The following FAAH2 variants were observed in gnomAD, a reference collection of about 807,000 sequenced individuals.
FAAH2 encodes fatty acid amide hydrolase 2.
In FAAH2, 60 loss-of-function variants were observed where a neutral mutation model predicts 36.9. The observed-to-expected ratio is 1.63, with a 90% CI of 1.32 to 2.02. The LOEUF is 2.02. Ranked by LOEUF, FAAH2 falls within the 30% of genes most tolerant of loss-of-function variation. FAAH2 has a pLI of 0.00. For synonymous variants in FAAH2, 214 were observed against 143.8 expected, an observed-to-expected ratio of 1.49 and a Z score of -3.49; for missense variants, 689 against 397.5, an observed-to-expected ratio of 1.73 and a Z score of -6.23.
At chrX:57,220,273 C>G in the FAAH2 span, among the ~76,000 whole-genome samples, 1 of 109,359 alleles carries the variant, frequency 9.1e-6, no homozygotes, top group African/African-American at 3.4e-5. Context: ...TCAGCTGTAT[C>G]CACTTATTTT....
At chrX:57,188,447 C>G in the FAAH2 span, among the ~76,000 whole-genome samples, 13 of 110,368 alleles carry the variant, frequency 1.2e-4, no homozygotes, top group African/African-American at 4.3e-4. Context: ...TTTGATTCTT[C>G]TCTCTTTTTT....
intron 3 of FAAH2, among the ~76,000 whole-genome samples, chrX:57,325,801 T>C (rs1487113940): frequency 2.3e-5 from 1 of 43,458 alleles, no homozygotes; most frequent in Non-Finnish European, 4.1e-5. Flanking sequence ...CCTGGATTCA[T>C]TGATTTTTTT....
chrX:57,337,446 A>G (rs1481802256), intron 4 of FAAH2, among the ~76,000 whole-genome samples: 1 of 111,578 alleles, frequency 9.0e-6, no homozygotes, highest in Admixed American at 9.5e-5. Context: ...TGGCAGAGAA[A>G]AAATAAAAAT....
At chrX:57,302,468 G>A (rs2052401370) in intron 2 of FAAH2, among the ~76,000 whole-genome samples, 1 of 111,541 alleles carries the variant, frequency 9.0e-6, no homozygotes, top group African/African-American at 3.3e-5. Context: ...TCAGCTCCCA[G>A]TCTGGTGGTT....
intron 10 of FAAH2, among the ~76,000 whole-genome samples, chrX:57,458,835 T>A (rs758484313): frequency 3.6e-5 from 4 of 112,163 alleles, no homozygotes; most frequent in African/African-American, 1.3e-4. Context: ...AACAGGAGAT[T>A]CCCTCTTGTG....
the FAAH2 span, among the ~76,000 whole-genome samples, chrX:57,208,531 G>A: frequency 9.0e-6 from 1 of 111,639 alleles, no homozygotes; most frequent in African/African-American, 3.3e-5. Context: ...GAGCCCCCAC[G>A]TTGGGTGCCA....
intron 5 of FAAH2, among the ~76,000 whole-genome samples, chrX:57,378,306 T>A (rs2054739281): frequency 9.0e-6 from 1 of 111,718 alleles, no homozygotes. Flanking sequence ...GATTTTTAAA[T>A]CTGTATTCTA....
intron 7 of FAAH2, among the ~76,000 whole-genome samples, chrX:57,414,708 T>C (rs911345936): frequency 9.0e-6 from 1 of 111,519 alleles, no homozygotes; most frequent in Non-Finnish European, 1.9e-5. Context: ...CAGGTTTTGG[T>C]ATCAGGATGA....
chrX:57,161,561 G>A, the FAAH2 span, among the ~76,000 whole-genome samples: 2 of 111,728 alleles, frequency 1.8e-5, no homozygotes, highest in Non-Finnish European at 3.8e-5. Context: ...GGGTGCATAT[G>A]TATTTAGGAG....
chrX:57,365,426 C>T (rs1288324734), intron 5 of FAAH2, among the ~76,000 whole-genome samples: 2 of 111,847 alleles, frequency 1.8e-5, no homozygotes, highest in Non-Finnish European at 3.8e-5. Flanking sequence ...GAAAGTTCTG[C>T]TATTAGCCTG....
chrX:57,431,370 C>T (rs73224076), intron 7 of FAAH2, among the ~76,000 whole-genome samples: 7,493 of 110,931 alleles, frequency 0.068, 276 homozygotes, highest in Admixed American at 0.14. Flanking sequence ...CTCACAGGTA[C>T]CCAGATATCT....
At chrX:57,262,536 C>T in the FAAH2 span, among the ~76,000 whole-genome samples, 3 of 110,885 alleles carry the variant, frequency 2.7e-5, no homozygotes, top group Non-Finnish European at 5.7e-5. Flanking sequence ...GAGAATTATA[C>T]CAAAGGTTTA....
intron 7 of FAAH2, among the ~76,000 whole-genome samples, chrX:57,406,476 G>T (rs1016637164): frequency 1.8e-5 from 2 of 112,117 alleles, no homozygotes; most frequent in African/African-American, 6.5e-5. Context: ...GGGGACGGTA[G>T]AGGGAGTGTT....
chrX:57,161,788 C>T, the FAAH2 span, among the ~76,000 whole-genome samples: 1 of 111,710 alleles, frequency 9.0e-6, no homozygotes, highest in African/African-American at 3.3e-5. Flanking sequence ...GAATACAGCA[C>T]ACTGATGGGT....
At chrX:57,312,175 GTC>G (rs1186351476) in intron 3 of FAAH2, among the ~76,000 whole-genome samples, 1 of 112,443 alleles carries the variant, frequency 8.9e-6, no homozygotes, top group Non-Finnish European at 1.9e-5. Context: ...GGGAGGTGCT[GTC>G]TCTTTCTGCT....
chrX:57,347,851 TTG>T (rs2053871303), intron 5 of FAAH2, among the ~76,000 whole-genome samples: 1 of 109,821 alleles, frequency 9.1e-6, no homozygotes, highest in African/African-American at 3.3e-5. Context: ...AAAAAATTTT[TTG>T]ATGTTGTTAC....
Position 57,310,685 on chromosome X carries a change from T to C in FAAH2, c.368T>C (p.Phe123Ser), listed in dbSNP as rs774804291. The part of the protein sequence containing the change: ...DEATLENKWP[F>S]LGVPLTVKEA... ...GCCACCCTGGAAAATAAATGGCCCTTCCTTGGGGTTCCTTTGACAGTCAAG... is the reference window on the plus strand; with the variant it reads ...GCCACCCTGGAAAATAAATGGCCCTCCCTTGGGGTTCCTTTGACAGTCAAG... The change falls in exon 3 of 11, where the codon TTC becomes TCC. Residue 123 changes from phenylalanine (F) to serine (S), a missense_variant. Transcript: ENST00000374900. 5.3e-5 allele frequency: 64 copies of C among 1,207,417 alleles called. No homozygotes were observed. Among genetic ancestry groups the C allele is most frequent in the Non-Finnish European group, 7.0e-5 (63 of 894,172 alleles).
intron 3 of FAAH2, among the ~76,000 whole-genome samples, chrX:57,324,466 C>A (rs1289139244): frequency 1.8e-5 from 2 of 111,742 alleles, no homozygotes; most frequent in Admixed American, 1.9e-4. Flanking sequence ...TTCTTCCTAC[C>A]CATGAGCATG....
intron 3 of FAAH2, 101 bp from the exon 4 acceptor site, chrX:57,331,497 T>C (rs1420447336): frequency 1.6e-6 from 1 of 634,351 alleles, no homozygotes; most frequent in Admixed American, 3.3e-5. Flanking sequence ...TTGTGGGAGA[T>C]GTTCCTTCTG....
Sources: allele counts gnomAD v4.1 joint callset (sites outside exome capture counted in the v4.1 genomes callset), GRCh38; gene constraint gnomAD v4.1.1; transcripts MANE v1.5; gene names NCBI Gene and HGNC (gene_info 2026-07-23, HGNC 2026-07-21).